The following CLDN14 variants were observed in gnomAD, a reference collection of about 807,000 sequenced individuals.
CLDN14 encodes the protein claudin 14.
CLDN14 carries 2 observed loss-of-function variants against 2.1 expected under a neutral mutation model. That is an observed-to-expected ratio of 0.96 (90% CI 0.39 to 3.01). The LOEUF is 3.01. Among genes scored for constraint, CLDN14 ranks in the 30% most tolerant of loss-of-function variants. The pLI is 0.09. For synonymous variants in CLDN14, 136 were observed against 154.4 expected, an observed-to-expected ratio of 0.88 and a Z score of 0.88; for missense variants, 298 against 328.0, an observed-to-expected ratio of 0.91 and a Z score of 0.71.
intron 2 of CLDN14, among the ~76,000 whole-genome samples, chr21:36,502,877 C>T (rs2087102343): frequency 6.6e-6 from 1 of 152,166 alleles, no homozygotes. Flanking sequence ...GTTCTCAACC[C>T]AGGCTACACA....
chr21:36,561,866 A>G (rs1266750794), intron 1 of CLDN14, among the ~76,000 whole-genome samples: 1 of 151,238 alleles, frequency 6.6e-6, no homozygotes, highest in Non-Finnish European at 1.5e-5. Flanking sequence ...ACAAACCTCT[A>G]TGGTTTGGTC....
Position 36,461,700 on chromosome 21 carries a change from C to G in CLDN14, c.-5G>C. On this transcript the variant is annotated 5_prime_UTR_variant, in exon 2 of 2. Transcript: ENST00000399135. ...CTGCACGGCCGTGCTGGCCATGGTG[C>G]GGCTGCCTGCCTAGGCCAGCCGGGC... 1 of 1,549,140 alleles carries G rather than the reference C, an allele frequency of 6.5e-7. No homozygotes were observed. Among genetic ancestry groups the G allele is most frequent in the Non-Finnish European group, 8.7e-7 (1 of 1,147,222 alleles).
At chr21:36,483,844 C>A (rs1426744301), upstream of CLDN14, among the ~76,000 whole-genome samples, 1 of 152,140 alleles carries the variant, frequency 6.6e-6, no homozygotes, top group Non-Finnish European at 1.5e-5. Context: ...TGGGGACCTT[C>A]TTGTTGGAGG....
intron 1 of CLDN14, among the ~76,000 whole-genome samples, chr21:36,549,021 G>A (rs400267): frequency 0.83 from 126,559 of 152,092 alleles, 53,154 homozygotes; most frequent in Non-Finnish European, 0.9. Flanking sequence ...GGTAAGGACT[G>A]TGGAATATTT....
At chr21:36,488,220 C>CCTTCCTTCCTTCCTT (rs2086917554) in intron 2 of CLDN14, among the ~76,000 whole-genome samples, 134 of 97,298 alleles carry the variant, frequency 1.4e-3, no homozygotes, top group African/African-American at 5.5e-3. Flanking sequence ...ACTGTGATTC[C>CCTTCCTTCCTTCCTT]CCTTCCTTCC....
Position 36,461,265 on chromosome 21 carries a change from A to G in CLDN14, c.431T>C (p.Val144Ala), listed in dbSNP as rs1359363154. 1 of 1,613,800 alleles carries G rather than the reference A, an allele frequency of 6.2e-7. No individual in the cohort carries two copies. The highest frequency in any genetic ancestry group is 8.5e-7 in the Non-Finnish European group (1 of 1,180,030). Residue 144 changes from valine to alanine, a missense_variant, in exon 2 of 2, where the codon GTG (valine) becomes GCG (alanine). By Grantham distance (64) the Val-to-Ala change is moderately conservative (BLOSUM62 0). Coordinates refer to ENST00000399135, the MANE Select transcript of CLDN14 (RefSeq NM_001146079.2). Reference protein sequence around the residue: ...VAVSWTTNDVVQNFYNPLLPS... With the variant: ...VAVSWTTNDVAQNFYNPLLPS... ...CAGCAGCGGGTTGTAGAAGTTCTGC[A>G]CCACGTCGTTGGTGGTCCAGGAGAC...
chr21:36,538,373 G>A (rs11702700), intron 1 of CLDN14, among the ~76,000 whole-genome samples: 12,653 of 152,128 alleles, frequency 0.083, 1,110 homozygotes, highest in African/African-American at 0.22. Context: ...GCAGAACTGC[G>A]TGGCAAGAAG....
intron 1 of CLDN14, among the ~76,000 whole-genome samples, chr21:36,540,952 A>C (rs2087484052): frequency 6.6e-6 from 1 of 152,198 alleles, no homozygotes; most frequent in African/African-American, 2.4e-5. Flanking sequence ...TCAGTTCCTT[A>C]AACAAGGACA....
At chr21:36,538,193 G>C (rs188078736) in intron 1 of CLDN14, among the ~76,000 whole-genome samples, 2 of 152,124 alleles carry the variant, frequency 1.3e-5, no homozygotes, top group Non-Finnish European at 2.9e-5. Flanking sequence ...ACCAGAAATA[G>C]ATGAAATCTG....
intron 1 of CLDN14, chr21:36,532,081 T>C (rs1568871780): frequency 6.6e-6 from 1 of 152,272 alleles, no homozygotes; most frequent in East Asian, 1.9e-4. Context: ...CAAAATTCAT[T>C]TTACCAACCT....
intron 2 of CLDN14, among the ~76,000 whole-genome samples, chr21:36,497,838 C>G (rs2087052266): frequency 6.6e-6 from 1 of 152,046 alleles, no homozygotes. Context: ...CAGTGTTATT[C>G]CGGGGGGCTG....
At chr21:36,466,651 C>A (rs1210497716) in intron 1 of CLDN14, among the ~76,000 whole-genome samples, 1 of 152,190 alleles carries the variant, frequency 6.6e-6, no homozygotes, top group Non-Finnish European at 1.5e-5. Context: ...GGGACACAGA[C>A]AAACCATATC....
At chr21:36,548,626 G>A (rs1481958745) in intron 1 of CLDN14, among the ~76,000 whole-genome samples, 1 of 152,156 alleles carries the variant, frequency 6.6e-6, no homozygotes, top group Non-Finnish European at 1.5e-5. Context: ...TTGCGTGGAT[G>A]GTTACCCTGA....
intron 2 of CLDN14, among the ~76,000 whole-genome samples, chr21:36,500,266 G>A (rs527339352): frequency 3.9e-4 from 59 of 152,186 alleles, no homozygotes; most frequent in Middle Eastern, 3.4e-3. Flanking sequence ...CCGGGAGCTC[G>A]CCTGAGGTCA....
rs997404596 is a variant in CLDN14 at position 36,511,113 on chromosome 21, G to A, written c.-219-613C>T. Among the ~76,000 whole-genome samples the A allele has an allele frequency of 7.2e-5, 11 of 152,318 alleles. No individual in the cohort carries two copies. In the South Asian group the frequency reaches 1.2e-3, roughly 17 times the overall value. On this transcript the variant is annotated intron_variant, in intron 1 of 2. Transcript: ENST00000342108. ...AAGATAAGGGAAGTGGCAGAAACAC[G>A]GAGGGAGGCAGGCCGGGGAGCCTCC...
chr21:36,543,635 T>C (rs1180748651), intron 1 of CLDN14, among the ~76,000 whole-genome samples: 1 of 152,310 alleles, frequency 6.6e-6, no homozygotes, highest in South Asian at 2.1e-4. Flanking sequence ...GACATGGATC[T>C]CTAATTGTGC....
chr21:36,497,522 C>A (rs1043143481), intron 2 of CLDN14, among the ~76,000 whole-genome samples: 12 of 151,692 alleles, frequency 7.9e-5, no homozygotes, highest in Admixed American at 1.3e-4. Flanking sequence ...ATGGATCTTT[C>A]ATATCTCCAA....
intron 1 of CLDN14, among the ~76,000 whole-genome samples, chr21:36,521,257 G>A (rs2087267565): frequency 6.6e-6 from 1 of 152,174 alleles, no homozygotes; most frequent in South Asian, 2.1e-4. Flanking sequence ...AAAGTGGCCA[G>A]TGGACTGCCC....
At chr21:36,549,788 G>A (rs930267815) in intron 1 of CLDN14, among the ~76,000 whole-genome samples, 1 of 152,182 alleles carries the variant, frequency 6.6e-6, no homozygotes, top group Non-Finnish European at 1.5e-5. Context: ...TCACTCAAGT[G>A]TCACCTCCCT....
Sources: allele counts gnomAD v4.1 joint callset (sites outside exome capture counted in the v4.1 genomes callset), GRCh38; gene constraint gnomAD v4.1.1; transcripts MANE v1.5; gene names NCBI Gene and HGNC (gene_info 2026-07-23, HGNC 2026-07-21).